Variants in PHACTR2 observed in about 807,000 individuals in gnomAD.
PHACTR2 encodes chromosome 6 open reading frame 56.
Under a neutral mutation model 76.0 loss-of-function variants are expected in PHACTR2, and 30 were observed. That is an observed-to-expected ratio of 0.39 (90% CI 0.30 to 0.54). The LOEUF (loss-of-function observed/expected upper bound fraction) is 0.54, where lower values mean the gene tolerates loss of function less well. Among genes scored for constraint, PHACTR2 ranks in the 20% least tolerant of loss-of-function variants. The probability of loss-of-function intolerance (pLI) is 0.61; values close to 1 mark genes in which losing one functional copy is unlikely to be tolerated. For missense variants in PHACTR2, 696 were observed against 781.1 expected (o/e 0.89, Z 1.30); for synonymous variants, 292 against 292.5 (o/e 1.00, Z 0.02).
intron 1 of PHACTR2, among the ~76,000 whole-genome samples, chr6:143,692,357 A>C (rs531903986): frequency 6.6e-6 from 1 of 152,316 alleles, no homozygotes; most frequent in Non-Finnish European, 1.5e-5. Flanking sequence ...GAGAATGGAA[A>C]CTTGGAATAA....
At position 143,743,067 on chromosome 6, in the gene PHACTR2, G is replaced by T. The variant is rs1376795162; in HGVS notation, c.215-5918G>T. ...AGGACGCTGAGGCACAGAGAAGTTG[G>T]TTGAAAGTGCTTTTGGAACACAAAG... is the stretch of plus-strand genomic sequence containing the variant. On this transcript the variant is annotated intron_variant, in intron 2 of 12. Transcript: ENST00000440869. This position sits in a 1 kb window ranked among gnomAD's most constrained non-coding sequence, Gnocchi z 5.0. Among the ~76,000 whole-genome samples the T allele has an allele frequency of 6.6e-6, 1 of 152,204 alleles. No individual in the cohort carries two copies. The highest frequency in any genetic ancestry group is 1.5e-5 in the Non-Finnish European group (1 of 68,028).
At chr6:143,551,797 GA>G (rs1365181437) in intron 1 of PHACTR2, among the ~76,000 whole-genome samples, 2 of 152,168 alleles carry the variant, frequency 1.3e-5, no homozygotes, top group Non-Finnish European at 1.5e-5. Context: ...AATACCCATT[GA>G]AAATGCCCTG....
intron 4 of PHACTR2, among the ~76,000 whole-genome samples, chr6:143,758,362 A>G (rs1470583316): frequency 6.6e-6 from 1 of 152,240 alleles, no homozygotes; most frequent in Non-Finnish European, 1.5e-5. Context: ...TATTGGGCTT[A>G]GTCTCCATAC....
chr6:143,820,982 C>T lies in PHACTR2; in HGVS notation c.1923-2692C>T, dbSNP rs999026529. Among the ~76,000 whole-genome samples the T allele has an allele frequency of 6.6e-6, 1 of 152,224 alleles. No homozygotes were observed. Among genetic ancestry groups the T allele is most frequent in the Admixed American group, 6.5e-5 (1 of 15,288 alleles). The stretch of plus-strand genomic sequence containing the variant: ...AGCTGTCAAGGCTTTCAGCTTGCAC[C>T]CTCTGAAGCAGAAGCCTGAGCTGTA... On this transcript the variant is annotated intron_variant, in intron 12 of 12. Coordinates refer to ENST00000440869, the MANE Select transcript of PHACTR2 (RefSeq NM_001100164.2). The surrounding 1 kb of genome is among the most constrained non-coding windows in gnomAD (Gnocchi z 4.2).
chr6:143,628,639 G>A (rs1037261264), intron 1 of PHACTR2, among the ~76,000 whole-genome samples: 2 of 152,044 alleles, frequency 1.3e-5, no homozygotes, highest in Non-Finnish European at 2.9e-5. Flanking sequence ...CAGGGTAATA[G>A]CCTCATCTCA....
rs142347898 is a variant in PHACTR2 at position 143,694,982 on chromosome 6, T to G, written c.46+16773T>G. Among the ~76,000 whole-genome samples, 147 of 152,330 alleles carry G rather than the reference T, an allele frequency of 9.7e-4. 1 individual carries two copies. The highest frequency in any genetic ancestry group is 3.4e-3 in the African/African-American group (140 of 41,564). On this transcript the variant is annotated intron_variant, in intron 1 of 12. Transcript: ENST00000440869. Reference sequence around the variant, plus strand: ...CCACCTCCTCTAGGTTCAAAATTCCTTATTTTATTGAAAAAGGTCCCTCAA... The same window carrying G: ...CCACCTCCTCTAGGTTCAAAATTCCGTATTTTATTGAAAAAGGTCCCTCAA...
chr6:143,594,427 C>T (rs563353396), intron 1 of PHACTR2, among the ~76,000 whole-genome samples: 22 of 152,362 alleles, frequency 1.4e-4, no homozygotes, highest in Non-Finnish European at 2.8e-4. Context: ...TGCCAGCACT[C>T]AGTGAGTGTC....
At chr6:143,747,852 C>G (rs111741045) in intron 2 of PHACTR2, among the ~76,000 whole-genome samples, 1 of 152,046 alleles carries the variant, frequency 6.6e-6, no homozygotes, top group African/African-American at 2.4e-5. Context: ...CCTTCTTGGC[C>G]CCTGAAAGTG....
At position 143,801,614 on chromosome 6, in the gene PHACTR2, GT is replaced by G. The variant is rs1161239574; in HGVS notation, c.1846-5438del. ...GCCATTCATCTAACCTTTTTTCAAC[GT>G]TTTTAGCTTCCTTGAAATGGATTAG... On this transcript the variant is annotated intron_variant, in intron 11 of 12. Transcript: ENST00000440869. This position sits in a 1 kb window ranked among gnomAD's most constrained non-coding sequence, Gnocchi z 4.6. Among the ~76,000 whole-genome samples, 2 of 152,000 alleles carry G rather than the reference GT, an allele frequency of 1.3e-5. No individual in the cohort carries two copies. The highest frequency in any genetic ancestry group is 2.9e-5 in the Non-Finnish European group (2 of 67,970).
rs145532623 is a variant in PHACTR2, at chr6:143,590,404, C to A, written c.217+53197C>A. Reference sequence around the variant, plus strand: ...GTCTGTGACTTCAAATGTGCTTTTGCAGAAAATGTCTGTCAGCCTGTGGTT... The same window carrying A: ...GTCTGTGACTTCAAATGTGCTTTTGAAGAAAATGTCTGTCAGCCTGTGGTT... On this transcript the variant is annotated intron_variant, in intron 1 of 11. Coordinates refer to the PHACTR2 transcript ENST00000367584. Among the ~76,000 whole-genome samples the A allele has an allele frequency of 1.7e-3, 253 of 152,098 alleles. 1 individual carries two copies. Among genetic ancestry groups the A allele is most frequent in the African/African-American group, 5.9e-3 (246 of 41,478 alleles).
At chr6:143,798,305 C>T (rs1775872146) in intron 11 of PHACTR2, among the ~76,000 whole-genome samples, 1 of 152,124 alleles carries the variant, frequency 6.6e-6, no homozygotes, top group South Asian at 2.1e-4. Flanking sequence ...TGGGCTGAGA[C>T]GATGGGGTTT....
Position 143,561,022 on chromosome 6 carries a change from G to A in PHACTR2, c.217+23815G>A, listed in dbSNP as rs1775264664. The A allele has an allele frequency of 6.6e-6, 1 of 152,292 alleles. No homozygotes were observed. Among genetic ancestry groups the A allele is most frequent in the Non-Finnish European group, 1.5e-5 (1 of 68,406 alleles). The allele number at this position is 152,292 out of a possible 1,614,324, so 9.4% of individuals were successfully genotyped here. On this transcript the variant is annotated intron_variant, in intron 1 of 11. Coordinates refer to the PHACTR2 transcript ENST00000367584. The surrounding 1 kb of genome is among the most constrained non-coding windows in gnomAD (Gnocchi z 4.1). Reference sequence around the variant, plus strand: ...TCTGGGGGGCTTTAAGTAATAAACTGGCCAGACTCCTGAAGCTGGCTGCTG... The same window carrying A: ...TCTGGGGGGCTTTAAGTAATAAACTAGCCAGACTCCTGAAGCTGGCTGCTG...
intron 2 of PHACTR2, among the ~76,000 whole-genome samples, chr6:143,718,948 T>A (rs1300698105): frequency 6.7e-6 from 1 of 150,110 alleles, no homozygotes; most frequent in Non-Finnish European, 1.5e-5. Flanking sequence ...AGTGGTATGA[T>A]CTCGGCTCAC....
rs1353936494 is a variant in PHACTR2, at chr6:143,789,557, A to G, written c.1845+647A>G. Among the ~76,000 whole-genome samples the G allele has an allele frequency of 6.6e-6, 1 of 152,204 alleles. No individual in the cohort carries two copies. Among genetic ancestry groups the G allele is most frequent in the African/African-American group, 2.4e-5 (1 of 41,452 alleles). ...ATCAATGTAGAAAGACTTTTACCTT[A>G]TTAGTACCATTGTTCCATAGGCAAA... On this transcript the variant is annotated intron_variant, in intron 11 of 12. Coordinates refer to ENST00000440869, the MANE Select transcript of PHACTR2 (RefSeq NM_001100164.2). The surrounding 1 kb of genome is among the most constrained non-coding windows in gnomAD (Gnocchi z 5.1).
rs927573800 is a variant in PHACTR2 at position 143,589,479 on chromosome 6, C to A, written c.217+52272C>A. On this transcript the variant is annotated intron_variant, in intron 1 of 11. Coordinates refer to the PHACTR2 transcript ENST00000367584. This position sits in a 1 kb window ranked among gnomAD's most constrained non-coding sequence, Gnocchi z 4.4. ...CATGCTTCCTGTACAGCCTGTGGAA[C>A]CATGAGCCAAGGAAACCTTTTTTCT... is the stretch of plus-strand genomic sequence containing the variant. 6.6e-6 allele frequency among the ~76,000 whole-genome samples: 1 copy of A among 152,144 alleles called. No homozygotes were observed. Among genetic ancestry groups the A allele is most frequent in the South Asian group, 2.1e-4 (1 of 4,816 alleles).
chr6:143,799,169 G>A (rs1015725079), intron 11 of PHACTR2, among the ~76,000 whole-genome samples: 1 of 152,176 alleles, frequency 6.6e-6, no homozygotes, highest in African/African-American at 2.4e-5. Flanking sequence ...TGGTTTATTT[G>A]TGTAGAGGTT....
intron 1 of PHACTR2, among the ~76,000 whole-genome samples, chr6:143,584,829 G>C (rs1315017542): frequency 6.6e-6 from 1 of 152,016 alleles, no homozygotes. Flanking sequence ...CCTTCTTTGG[G>C]ACCCAAGTAA....
At chr6:143,714,511 A>G (rs561805104) in intron 2 of PHACTR2, among the ~76,000 whole-genome samples, 53 of 152,346 alleles carry the variant, frequency 3.5e-4, no homozygotes, top group South Asian at 1.5e-3. Flanking sequence ...TCCTTGAATC[A>G]GTTGTATTTT....
rs183736158 is a variant in PHACTR2, at chr6:143,700,442, C to T, written c.47-11574C>T. ...TGGTGGCATGCACCTGTAATCCCAG[C>T]TACTCGGGAGGCTGAGGCAAGAGAA... On this transcript the variant is annotated intron_variant, in intron 1 of 12. Transcript: ENST00000440869. This position sits in a 1 kb window ranked among gnomAD's most constrained non-coding sequence, Gnocchi z 4.1. Among the ~76,000 whole-genome samples the T allele has an allele frequency of 6.6e-6, 1 of 152,096 alleles. No homozygotes were observed.
Sources: allele counts gnomAD v4.1 joint callset (sites outside exome capture counted in the v4.1 genomes callset), GRCh38; gene constraint gnomAD v4.1.1; non-coding constraint Gnocchi (gnomAD v3.1); transcripts MANE v1.5; gene names NCBI Gene and HGNC (gene_info 2026-07-23, HGNC 2026-07-21).